CFAP47: variants seen among roughly 807,000 people sequenced by gnomAD.
CFAP47 encodes cilia and flagella associated protein 47.
A neutral mutation model predicts 148.1 loss-of-function variants in CFAP47; 29 were observed. The ratio of observed to expected loss-of-function variants is 0.20; its 90% CI spans 0.15 to 0.27. The LOEUF (loss-of-function observed/expected upper bound fraction) is 0.27, where lower values mean the gene tolerates loss of function less well. CFAP47 is among the 10% of genes least tolerant of loss of function. CFAP47 has a pLI of 1.00. For synonymous variants in CFAP47, 664 were observed against 577.3 expected (o/e 1.15, Z -2.15); for missense variants, 1,872 against 1,697.5 (o/e 1.10, Z -1.81).
At chrX:36,345,321 G>A (rs1415034141) in intron 57 of CFAP47, among the ~76,000 whole-genome samples, 6 of 111,400 alleles carry the variant, frequency 5.4e-5, no homozygotes, top group Admixed American at 4.8e-4. Context: ...CCAGAGATGC[G>A]GTACAGGGTC....
intron 7 of CFAP47, among the ~76,000 whole-genome samples, chrX:35,953,992 A>G (rs1268564951): frequency 9.3e-6 from 1 of 107,847 alleles, no homozygotes; most frequent in Non-Finnish European, 1.9e-5. Flanking sequence ...AAGGAATAAG[A>G]AAAAAAAACC....
chrX:36,234,031 T>G (rs1389656434), intron 46 of CFAP47, among the ~76,000 whole-genome samples: 22 of 110,822 alleles, frequency 2.0e-4, no homozygotes, highest in Non-Finnish European at 3.4e-4. Context: ...GACCTTTCTC[T>G]CTGGCTGCCC....
chrX:36,099,659 A>T (rs1938339280), intron 31 of CFAP47, 92 bp from the exon 32 acceptor site: 1 of 437,445 alleles, frequency 2.3e-6, no homozygotes. Flanking sequence ...ATTAAAGTAT[A>T]GAAAAGGCAT....
intron 15 of CFAP47, among the ~76,000 whole-genome samples, chrX:35,979,198 C>T (rs922200120): frequency 4.3e-4 from 48 of 110,536 alleles, no homozygotes; most frequent in African/African-American, 1.3e-3. Flanking sequence ...AGGCTGGTCT[C>T]GGACTCCTGA....
chrX:36,351,491 C>T (rs1164052168), intron 59 of CFAP47, among the ~76,000 whole-genome samples: 1 of 111,604 alleles, frequency 9.0e-6, no homozygotes, highest in Non-Finnish European at 1.9e-5. Context: ...AATACTGTTG[C>T]TCATGTCTAC....
At chrX:36,363,106 T>C (rs1556019581) in intron 61 of CFAP47, among the ~76,000 whole-genome samples, 1 of 111,843 alleles carries the variant, frequency 8.9e-6, no homozygotes, top group Non-Finnish European at 1.9e-5. Flanking sequence ...GCAAAATTTT[T>C]TGATGATTGA....
At chrX:36,256,569 T>C (rs994988743) in intron 49 of CFAP47, among the ~76,000 whole-genome samples, 1 of 111,882 alleles carries the variant, frequency 8.9e-6, no homozygotes, top group Non-Finnish European at 1.9e-5. Flanking sequence ...TATGAAGACG[T>C]CATCAATCAG....
rs1939979536 is a variant in CFAP47 at position 36,201,490 on chromosome X, C to T, written c.6653C>T (p.Thr2218Met). 1.0e-5 allele frequency: 3 copies of T among 296,527 alleles called. No individual in the cohort carries two copies. Among genetic ancestry groups the T allele is most frequent in the South Asian group, 2.0e-4 (1 of 4,954 alleles). The allele number at this position is 296,527 out of a possible 1,213,427, so 24.4% of individuals were successfully genotyped here. A position where few individuals can be genotyped will look rare whatever the true frequency, so the allele number is the denominator to read the frequency against. ...IRVAIALLGL[T>M]KIETLMLFRI... ...GTGGCCATCGCCCTCCTGGGACTGA[C>T]GAAGATCGAGGTGGGAATGGAGTAA... Residue 2218 changes from threonine to methionine, a missense_variant, in exon 44 of 64, where the codon ACG becomes ATG. Thr to Met is a moderately conservative substitution (Grantham distance 81, BLOSUM62 -1). Coordinates refer to ENST00000378653, the MANE Select transcript of CFAP47 (RefSeq NM_001304548.2).
intron 63 of CFAP47, among the ~76,000 whole-genome samples, chrX:36,382,252 A>C (rs976374579): frequency 1.8e-5 from 2 of 111,491 alleles, no homozygotes; most frequent in Non-Finnish European, 3.8e-5. Flanking sequence ...CGTGGAACAC[A>C]TACCTCAGAG....
intron 15 of CFAP47, among the ~76,000 whole-genome samples, chrX:35,977,112 C>T (rs1936582170): frequency 9.0e-6 from 1 of 111,729 alleles, no homozygotes; most frequent in Non-Finnish European, 1.9e-5. Context: ...GTTTTATGTA[C>T]ATGTTGTGCC....
At chrX:36,290,610 A>G (rs893557122) in intron 51 of CFAP47, among the ~76,000 whole-genome samples, 2 of 112,283 alleles carry the variant, frequency 1.8e-5, no homozygotes, top group African/African-American at 6.5e-5. Flanking sequence ...CCTGACTCCA[A>G]GTTCAGAGAT....
chrX:36,081,326 A>G lies in CFAP47; in HGVS notation c.4692-3988A>G, dbSNP rs1339514831. Among the ~76,000 whole-genome samples, 3 of 111,582 alleles carry G rather than the reference A, an allele frequency of 2.7e-5. No homozygotes were observed. The South Asian group carries it at 1.1e-3, about 41-fold the overall frequency. ...AAATTGAATCCCTGAACAGATCAAT[A>G]TTGATTTCAAAAATTAAATAAGTAA... On this transcript the variant is annotated intron_variant, in intron 29 of 63. Transcript: ENST00000378653.
intron 37 of CFAP47, among the ~76,000 whole-genome samples, chrX:36,149,647 C>T (rs752922141): frequency 5.6e-5 from 6 of 106,658 alleles, no homozygotes; most frequent in African/African-American, 1.0e-4. Context: ...TTCCCTCTGT[C>T]GCCCAGGCTG....
chrX:36,252,892 A>T (rs1228987528), intron 49 of CFAP47, among the ~76,000 whole-genome samples: 1 of 112,162 alleles, frequency 8.9e-6, no homozygotes, highest in Non-Finnish European at 1.9e-5. Context: ...GAAGAAACAC[A>T]TAAGAAACCA....
intron 29 of CFAP47, among the ~76,000 whole-genome samples, chrX:36,079,413 C>T (rs142739794): frequency 0.016 from 1,815 of 111,381 alleles, 44 homozygotes; most frequent in African/African-American, 0.056. Flanking sequence ...TTTCTTGCTT[C>T]ATTTCATTCA....
In CFAP47 at chrX:35,993,819, A is replaced by T. The variant is rs73197113; in HGVS notation, c.3099+498A>T. 5.6e-3 allele frequency among the ~76,000 whole-genome samples: 623 copies of T among 111,824 alleles called. 3 individuals carry two copies. Among genetic ancestry groups the T allele is most frequent in the Non-Finnish European group, 8.9e-3 (473 of 53,149 alleles). On this transcript the variant is annotated intron_variant, in intron 18 of 63. Transcript: ENST00000378653. The stretch of plus-strand genomic sequence containing the variant: ...TTTCAAAGCATTAGTTAGGTAGATT[A>T]GGAAAAAAATAATCAATTTTGCAAT...
chrX:36,142,092 G>C (rs1420360994), intron 35 of CFAP47, among the ~76,000 whole-genome samples: 3 of 112,257 alleles, frequency 2.7e-5, no homozygotes, highest in Non-Finnish European at 3.8e-5. Flanking sequence ...TGATTGTTGG[G>C]AAGGCATTCA....
At chrX:36,226,180 C>T (rs1940268018) in intron 45 of CFAP47, among the ~76,000 whole-genome samples, 1 of 111,869 alleles carries the variant, frequency 8.9e-6, no homozygotes, top group Non-Finnish European at 1.9e-5. Flanking sequence ...GAGTACCATT[C>T]TTTGTCTAGA....
Position 35,948,391 on chromosome X carries a change from T to G in CFAP47, c.595T>G (p.Ser199Ala). The change falls in exon 4 of 64, where the codon TCA becomes GCA. Residue 199 changes from serine (S) to alanine (A), a missense_variant. Ser to Ala is a moderately conservative substitution (Grantham distance 99). Coordinates refer to ENST00000378653, the MANE Select transcript of CFAP47 (RefSeq NM_001304548.2). ...PTSGIVDAKS[S>A]MVIKVDFCAD... is the part of the protein sequence containing the mutation. ...TAGTGGTATCGTGGATGCTAAGTCA[T>G]CAATGGTTATTAAAGTAGATTTCTG... The G allele has an allele frequency of 8.3e-7, 1 of 1,202,171 alleles. No homozygotes were observed. The highest frequency in any genetic ancestry group is 1.1e-6 in the Non-Finnish European group (1 of 886,683).
Sources: gnomAD v4.1 joint callset for allele counts (sites outside exome capture counted in the v4.1 genomes callset) on GRCh38, gnomAD v4.1.1 for gene constraint, MANE v1.5 for transcripts, NCBI Gene and HGNC (gene_info 2026-07-23, HGNC 2026-07-21) for gene names.